The following PRDM16 variants were observed in gnomAD, a reference collection of about 807,000 sequenced individuals.
PRDM16 encodes the protein PR/SET domain 16.
A neutral mutation model predicts 110.6 loss-of-function variants in PRDM16; 23 were observed. That is an observed-to-expected ratio of 0.21 (90% CI 0.15 to 0.29). The LOEUF (loss-of-function observed/expected upper bound fraction) is 0.29, where lower values mean the gene tolerates loss of function less well. Among genes scored for constraint, PRDM16 ranks in the 10% least tolerant of loss-of-function variants. The pLI is 1.00. For synonymous variants in PRDM16, 799 were observed against 781.8 expected (o/e 1.02, Z -0.37); for missense variants, 1,615 against 1,794.3 (o/e 0.90, Z 1.81).
intron 3 of PRDM16, among the ~76,000 whole-genome samples, chr1:3,287,644 G>C (rs1238137661): frequency 2.7e-5 from 1 of 36,476 alleles, no homozygotes; most frequent in Non-Finnish European, 4.3e-5. Context: ...ACCGGGGCTG[G>C]AGCCGCCCCC....
chr1:3,104,818 C>A (rs1223451327), intron 1 of PRDM16, among the ~76,000 whole-genome samples: 1 of 152,166 alleles, frequency 6.6e-6, no homozygotes, highest in African/African-American at 2.4e-5. Context: ...GGCAGGGATG[C>A]TTCTGCTCCT....
At chr1:3,129,690 G>A (rs1643293687) in intron 1 of PRDM16, among the ~76,000 whole-genome samples, 1 of 152,168 alleles carries the variant, frequency 6.6e-6, no homozygotes, top group Non-Finnish European at 1.5e-5. Flanking sequence ...CCACAGGTAG[G>A]GGCAAGGTCC....
chr1:3,387,745 T>C (rs1569646831), intron 4 of PRDM16, among the ~76,000 whole-genome samples: 1 of 152,208 alleles, frequency 6.6e-6, no homozygotes, highest in Non-Finnish European at 1.5e-5. Context: ...TCTCCTGAAA[T>C]CTCAACCGTG....
chr1:3,387,654 G>A (rs939998917), intron 4 of PRDM16, among the ~76,000 whole-genome samples: 6 of 152,234 alleles, frequency 3.9e-5, no homozygotes, highest in African/African-American at 7.2e-5. Context: ...TGGAATGCCC[G>A]GGAAAGCAGG....
rs1553145782 is a variant in PRDM16 at position 3,201,290 on chromosome 1, T to TTG, written c.387+14816_387+14817insTG. Among the ~76,000 whole-genome samples, 4 of 124,938 alleles carry TTG rather than the reference T, an allele frequency of 3.2e-5. No individual in the cohort carries two copies. Among genetic ancestry groups the TTG allele is most frequent in the South Asian group, 5.2e-4 (2 of 3,854 alleles). 82.0% of individuals were successfully genotyped at this position (124,938 alleles called of 152,430 possible). ...CTTGCCTCTAAAATTCGCTTTGTCA[T>TTG]GGGATTTAAAATTACTTCAATTGCA... On this transcript the variant is annotated intron_variant, in intron 2 of 16. Coordinates refer to ENST00000270722, the MANE Select transcript of PRDM16 (RefSeq NM_022114.4). The surrounding 1 kb of genome is among the most constrained non-coding windows in gnomAD (Gnocchi z 4.1).
At chr1:3,318,458 C>T (rs1443115613) in intron 3 of PRDM16, among the ~76,000 whole-genome samples, 1 of 152,196 alleles carries the variant, frequency 6.6e-6, no homozygotes, top group Non-Finnish European at 1.5e-5. Flanking sequence ...CTCAACACAT[C>T]CTATCATCTG....
intron 3 of PRDM16, among the ~76,000 whole-genome samples, chr1:3,301,952 T>A (rs1641217570): frequency 6.6e-6 from 1 of 152,174 alleles, no homozygotes; most frequent in Non-Finnish European, 1.5e-5. Flanking sequence ...CTGACTTAGC[T>A]CCAGCAGAAT....
At chr1:3,388,073 C>A (rs903783490) in intron 4 of PRDM16, among the ~76,000 whole-genome samples, 3 of 152,248 alleles carry the variant, frequency 2.0e-5, no homozygotes, top group African/African-American at 7.2e-5. Flanking sequence ...AAAATAAAAA[C>A]TGCCCTGAAA....
chr1:3,294,036 C>T (rs10909921), intron 3 of PRDM16, among the ~76,000 whole-genome samples: 3,710 of 152,222 alleles, frequency 0.024, 256 homozygotes, highest in East Asian at 0.24. Context: ...CTCACTGTGG[C>T]GGCTCCTTAC....
chr1:3,316,731 C>T (rs538362076), intron 3 of PRDM16, among the ~76,000 whole-genome samples: 57 of 144,872 alleles, frequency 3.9e-4, no homozygotes, highest in African/African-American at 9.8e-4. Context: ...AACAGTGACA[C>T]GGTGTAGGCA....
chr1:3,088,818 C>T (rs1338047253), intron 1 of PRDM16, among the ~76,000 whole-genome samples: 1 of 150,922 alleles, frequency 6.6e-6, no homozygotes, highest in Non-Finnish European at 1.5e-5. Flanking sequence ...GATGGGGTCT[C>T]ACTCTGTCGC....
chr1:3,415,451 C>G (rs1051552140), intron 10 of PRDM16, among the ~76,000 whole-genome samples: 1 of 152,280 alleles, frequency 6.6e-6, no homozygotes, highest in African/African-American at 2.4e-5. Flanking sequence ...ACGGGCCCCC[C>G]ACCTGGTTTG....
chr1:3,294,057 G>C (rs1224565572), intron 3 of PRDM16, among the ~76,000 whole-genome samples: 1 of 152,162 alleles, frequency 6.6e-6, no homozygotes, highest in African/African-American at 2.4e-5. Context: ...TCCCCCGGGG[G>C]CCAGGCGTTC....
chr1:3,314,074 G>GGGT (rs1641537739), intron 3 of PRDM16, among the ~76,000 whole-genome samples: 1 of 127,546 alleles, frequency 7.8e-6, no homozygotes, highest in East Asian at 2.0e-4. Flanking sequence ...TCCCCACCGG[G>GGGT]GGGGGGGGCG....
At chr1:3,211,210 C>T (rs572674419) in intron 2 of PRDM16, among the ~76,000 whole-genome samples, 1 of 152,350 alleles carries the variant, frequency 6.6e-6, no homozygotes, top group Admixed American at 6.5e-5. Flanking sequence ...CCATTGTACA[C>T]AGGTCTGTTG....
chr1:3,336,183 A>G (rs1570096163), intron 3 of PRDM16, among the ~76,000 whole-genome samples: 2 of 152,140 alleles, frequency 1.3e-5, no homozygotes, highest in East Asian at 1.9e-4. Flanking sequence ...ATAGCGGGGG[A>G]CATGCATATG....
At chr1:3,212,871 G>A (rs571520310) in intron 2 of PRDM16, among the ~76,000 whole-genome samples, 5 of 152,178 alleles carry the variant, frequency 3.3e-5, no homozygotes, top group East Asian at 1.9e-4. Flanking sequence ...CCCACCTGGC[G>A]AGGGGCCCTC....
chr1:3,292,686 TGGGGTGGAGGTTTG>T (rs1457466639), intron 3 of PRDM16, among the ~76,000 whole-genome samples: 1 of 151,952 alleles, frequency 6.6e-6, no homozygotes, highest in Admixed American at 6.6e-5. Flanking sequence ...TCCCTTCCTG[TGGGGTGGAGGTTTG>T]GGGGTGGAGG....
rs139537823 is a variant in PRDM16, at chr1:3,110,804, T to C, written c.37+41508T>C. Reference sequence around the variant, plus strand: ...GCTCAGCCTCTCTTTAACAGGAGCGTGGGAGGGATGGAGGCCACGTGTGAG... The same window carrying C: ...GCTCAGCCTCTCTTTAACAGGAGCGCGGGAGGGATGGAGGCCACGTGTGAG... On this transcript the variant is annotated intron_variant, in intron 1 of 16. Coordinates refer to ENST00000270722, the MANE Select transcript of PRDM16 (RefSeq NM_022114.4). Among the ~76,000 whole-genome samples, 75 of 152,010 alleles carry C rather than the reference T, an allele frequency of 4.9e-4. 2 individuals are homozygous for C. In the East Asian group the frequency reaches 0.015, roughly 30 times the overall value.
Sources: gnomAD v4.1 joint callset for allele counts (sites outside exome capture counted in the v4.1 genomes callset) on GRCh38, gnomAD v4.1.1 for gene constraint, Gnocchi (gnomAD v3.1) non-coding constraint, MANE v1.5 for transcripts, NCBI Gene and HGNC (gene_info 2026-07-23, HGNC 2026-07-21) for gene names.